The following RASSF6 variants were observed in gnomAD, a reference collection of about 807,000 sequenced individuals.
RASSF6 encodes the protein ras association domain-containing protein 6.
In RASSF6, 52 loss-of-function variants were observed where a neutral mutation model predicts 44.0. That is an observed-to-expected ratio of 1.18 (90% CI 0.95 to 1.49). RASSF6 has a LOEUF of 1.49. RASSF6 is among the 40% of genes most tolerant of loss of function. The pLI, the probability that RASSF6 is intolerant of heterozygous loss-of-function variation, is 0.00. For missense variants in RASSF6, 464 were observed against 393.3 expected (o/e 1.18, Z -1.52); for synonymous variants, 162 against 124.6 (o/e 1.30, Z -2.00).
rs1722947815 is a variant in RASSF6 at position 73,572,034 on chromosome 4, G to A, written c.*4201C>T. 6.6e-6 allele frequency: 1 copy of A among 152,170 alleles called. No individual in the cohort carries two copies. The highest frequency in any genetic ancestry group is 1.5e-5 in the Non-Finnish European group (1 of 68,042). The allele number at this position is 152,170 out of a possible 1,614,324, so 9.4% of individuals were successfully genotyped here. ...CTTATCTCATACAGTTTCTGAGGAT[G>A]AGGAATCCAGAATGGTTTCCTTGGG... On this transcript the variant is annotated 3_prime_UTR_variant, in exon 11 of 11. Transcript: ENST00000307439.
intron 6 of RASSF6, among the ~76,000 whole-genome samples, chr4:73,584,718 C>T (rs1342398421): frequency 6.6e-6 from 1 of 152,076 alleles, no homozygotes; most frequent in African/African-American, 2.4e-5. Context: ...ATGTTGGTTT[C>T]CCTGCTCAAT....
Position 73,572,179 on chromosome 4 carries a change from T to G in RASSF6, c.*4056A>C, listed in dbSNP as rs367564229. 2 of 152,306 alleles carry G rather than the reference T, an allele frequency of 1.3e-5. No individual in the cohort carries two copies. Among genetic ancestry groups the G allele is most frequent in the East Asian group, 1.9e-4 (1 of 5,184 alleles). 9.4% of individuals were successfully genotyped at this position (152,306 alleles called of 1,614,324 possible). A position where few individuals can be genotyped will look rare whatever the true frequency, so the allele number is the denominator to read the frequency against. ...CTAAAATGGCTGTTGACAGGAGGCC[T>G]CAATTCCCTGCTGGCATTTGATAGA... is the stretch of plus-strand genomic sequence containing the variant. On this transcript the variant is annotated 3_prime_UTR_variant, in exon 11 of 11. Coordinates refer to ENST00000307439, the MANE Select transcript of RASSF6 (RefSeq NM_177532.5).
intron 2 of RASSF6, among the ~76,000 whole-genome samples, chr4:73,599,695 TA>T (rs1725157507): frequency 6.6e-6 from 1 of 152,212 alleles, no homozygotes; most frequent in Non-Finnish European, 1.5e-5. Flanking sequence ...AGCAGCCTCC[TA>T]AAAGCCTCCC....
chr4:73,577,828 G>T (rs766070794), intron 8 of RASSF6, among the ~76,000 whole-genome samples: 14 of 152,232 alleles, frequency 9.2e-5, no homozygotes, highest in Admixed American at 7.2e-4. Context: ...TTATGATGAT[G>T]ATTATTAAAA....
Position 73,571,860 on chromosome 4 carries a change from A to G in RASSF6, c.*4375T>C, listed in dbSNP as rs911242544. The stretch of plus-strand genomic sequence containing the variant: ...TGAAATATTTGGACCACCTAAAACA[A>G]GGATAAATTATTCTGTGACAAGTTT... On this transcript the variant is annotated 3_prime_UTR_variant, in exon 11 of 11. Transcript: ENST00000307439. 2.0e-5 allele frequency: 3 copies of G among 152,192 alleles called. No homozygotes were observed. The highest frequency in any genetic ancestry group is 4.8e-5 in the African/African-American group (2 of 41,456). The allele number at this position is 152,192 out of a possible 1,614,324, so 9.4% of individuals were successfully genotyped here. A position where few individuals can be genotyped will look rare whatever the true frequency, so the allele number is the denominator to read the frequency against.
At chr4:73,603,514 G>A (rs1158313591) in intron 2 of RASSF6, among the ~76,000 whole-genome samples, 1 of 151,696 alleles carries the variant, frequency 6.6e-6, no homozygotes, top group Non-Finnish European at 1.5e-5. Flanking sequence ...GGGATCCCAG[G>A]GTCCTGTTCC....
At chr4:73,578,607 T>C (rs78559343) in intron 8 of RASSF6, among the ~76,000 whole-genome samples, 52 of 151,674 alleles carry the variant, frequency 3.4e-4, no homozygotes, top group Non-Finnish European at 5.6e-4. Context: ...CTATTTTTAT[T>C]GTACACACCT....
In RASSF6 at chr4:73,585,421, G is replaced by T. The variant is rs144798439; in HGVS notation, c.383-57C>A. ...TCAGCTGCCTGTGTCCTAGCATCCTGAGTGGATTTGTGTATGCTTTCATTA... is the reference window on the plus strand; with the variant it reads ...TCAGCTGCCTGTGTCCTAGCATCCTTAGTGGATTTGTGTATGCTTTCATTA... On this transcript the variant is annotated intron_variant, in intron 5 of 10. Coordinates refer to ENST00000307439, the MANE Select transcript of RASSF6 (RefSeq NM_177532.5). 19 of 1,220,628 alleles carry T rather than the reference G, an allele frequency of 1.6e-5. No homozygotes were observed. In the Admixed American group the frequency reaches 3.4e-4, roughly 22 times the overall value. 75.6% of individuals were successfully genotyped at this position (1,220,628 alleles called of 1,614,324 possible). A position where few individuals can be genotyped will look rare whatever the true frequency, so the allele number is the denominator to read the frequency against.
In RASSF6 at chr4:73,620,426, G is replaced by GC. The variant is rs1349277340; in HGVS notation, c.-174dup. 6.5e-7 allele frequency: 1 copy of GC among 1,544,214 alleles called. No individual in the cohort carries two copies. Among genetic ancestry groups the GC allele is most frequent in the Non-Finnish European group, 8.7e-7 (1 of 1,143,972 alleles). On this transcript the variant is annotated 5_prime_UTR_variant, in exon 1 of 11. Coordinates refer to ENST00000307439, the MANE Select transcript of RASSF6 (RefSeq NM_177532.5). ...CCTGTCTCTGCCGGGCTGGGACTCC[G>GC]CGAGTCACTCACCTGTAGGGGAGGT...
chr4:73,605,013 C>G (rs1725531571), intron 2 of RASSF6, among the ~76,000 whole-genome samples: 1 of 151,676 alleles, frequency 6.6e-6, no homozygotes, highest in Non-Finnish European at 1.5e-5. Context: ...CCTCAGCCTC[C>G]CGAGTAGCTG....
At chr4:73,587,974 T>C (rs10011419) in intron 4 of RASSF6, 40 bp from the exon 5 acceptor site, 351,671 of 1,316,600 alleles carry the variant, frequency 0.27, 48,666 homozygotes, top group Admixed American at 0.41. Context: ...CAGTTCCATT[T>C]ATATTGAAGC....
intron 2 of RASSF6, among the ~76,000 whole-genome samples, chr4:73,605,622 T>C (rs2149391539): frequency 6.6e-6 from 1 of 152,316 alleles, no homozygotes; most frequent in South Asian, 2.1e-4. Flanking sequence ...GGGACTGAGT[T>C]CCAAAGTCTG....
rs1401110518 is a variant in RASSF6, at chr4:73,572,693, A to T, written c.*3542T>A. ...GTCTCATTTGAATAATTGATTTGAAATTTTTTGCATTTGGTAGAACTCTGT... is the reference window on the plus strand; with the variant it reads ...GTCTCATTTGAATAATTGATTTGAATTTTTTTGCATTTGGTAGAACTCTGT... On this transcript the variant is annotated 3_prime_UTR_variant, in exon 11 of 11. Coordinates refer to ENST00000307439, the MANE Select transcript of RASSF6 (RefSeq NM_177532.5). The T allele has an allele frequency of 1.3e-5, 2 of 152,086 alleles. No homozygotes were observed. The highest frequency in any genetic ancestry group is 2.9e-5 in the Non-Finnish European group (2 of 67,996). 9.4% of individuals were successfully genotyped at this position (152,086 alleles called of 1,614,324 possible). A position where few individuals can be genotyped will look rare whatever the true frequency, so the allele number is the denominator to read the frequency against.
intron 1 of RASSF6, chr4:73,615,800 T>G (rs1216627527): frequency 4.9e-6 from 5 of 1,021,676 alleles, no homozygotes; most frequent in Non-Finnish European, 7.5e-6. Flanking sequence ...GAGGCAGTGT[T>G]GGGCAGCATT....
Position 73,576,311 on chromosome 4 carries a change from C to G in RASSF6, c.939-1G>C. The G allele has an allele frequency of 6.5e-7, 1 of 1,534,916 alleles. No homozygotes were observed. Among genetic ancestry groups the G allele is most frequent in the Non-Finnish European group, 9.0e-7 (1 of 1,116,500 alleles). On this transcript the variant is annotated splice_acceptor_variant, in intron 10 of 10. Transcript: ENST00000307439. LOFTEE classifies it high-confidence loss of function. ...TATAATCGCCTTTTCTTTATTGAAT[C>G]TGAAAATGAGAAGAAGAAAGACTAT... is the stretch of plus-strand genomic sequence containing the variant.
chr4:73,606,058 T>C (rs2149392013), intron 2 of RASSF6, among the ~76,000 whole-genome samples: 1 of 152,356 alleles, frequency 6.6e-6, no homozygotes, highest in East Asian at 1.9e-4. Context: ...ACAATCCCTT[T>C]ACTGGATATA....
chr4:73,571,730 A>G lies in RASSF6; in HGVS notation c.*4505T>C, dbSNP rs1323564025. ...GAGCACATCCTACGCACAAGACACA[A>G]TATTAGGTACAGAAAAGCTATAAAG... On this transcript the variant is annotated 3_prime_UTR_variant, in exon 11 of 11. Coordinates refer to ENST00000307439, the MANE Select transcript of RASSF6 (RefSeq NM_177532.5). 1.3e-5 allele frequency: 2 copies of G among 151,938 alleles called. No homozygotes were observed. Among genetic ancestry groups the G allele is most frequent in the Non-Finnish European group, 2.9e-5 (2 of 67,968 alleles). 9.4% of individuals were successfully genotyped at this position (151,938 alleles called of 1,614,324 possible).
At chr4:73,577,523 T>C (rs551809802) in intron 8 of RASSF6, among the ~76,000 whole-genome samples, 1 of 152,308 alleles carries the variant, frequency 6.6e-6, no homozygotes, top group East Asian at 1.9e-4. Flanking sequence ...ACTGTTCTCA[T>C]TCCCTGAGCT....
chr4:73,589,980 T>A (rs1724405332), intron 4 of RASSF6, among the ~76,000 whole-genome samples: 1 of 152,246 alleles, frequency 6.6e-6, no homozygotes, highest in African/African-American at 2.4e-5. Flanking sequence ...TATGTTATTC[T>A]GTCATGACTT....
Sources: gnomAD v4.1 joint callset for allele counts (sites outside exome capture counted in the v4.1 genomes callset) on GRCh38, gnomAD v4.1.1 for gene constraint, MANE v1.5 for transcripts, NCBI Gene and HGNC (gene_info 2026-07-23, HGNC 2026-07-21) for gene names.